The following SGCZ variants were observed in gnomAD, a reference collection of about 807,000 sequenced individuals.
SGCZ encodes sarcoglycan zeta.
Under a neutral mutation model 41.3 loss-of-function variants are expected in SGCZ, and 40 were observed. That is an observed-to-expected ratio of 0.97 (90% CI 0.75 to 1.26). SGCZ has a LOEUF of 1.26. Ranked by LOEUF, SGCZ falls within the 50% of genes most tolerant of loss-of-function variation. SGCZ has a pLI of 0.00. For missense variants in SGCZ, 552 were observed against 369.8 expected (o/e 1.49, Z -4.04); for synonymous variants, 206 against 137.5 (o/e 1.50, Z -3.49).
chr8:15,100,762 C>T (rs564534823), intron 1 of SGCZ, among the ~76,000 whole-genome samples: 2 of 152,238 alleles, frequency 1.3e-5, no homozygotes, highest in South Asian at 4.2e-4. Context: ...CACGGAGAAT[C>T]ACTTAACCCC....
At chr8:14,227,493 T>C (rs1294534170) in intron 4 of SGCZ, among the ~76,000 whole-genome samples, 1 of 152,064 alleles carries the variant, frequency 6.6e-6, no homozygotes. Context: ...GATCAAAACA[T>C]AGAGGGATCA....
At chr8:14,839,998 C>CT (rs1239763118) in intron 1 of SGCZ, among the ~76,000 whole-genome samples, 4 of 151,488 alleles carry the variant, frequency 2.6e-5, no homozygotes, top group African/African-American at 4.8e-5. Flanking sequence ...TATTTTGTGC[C>CT]TTTGTTTTTA....
chr8:14,679,194 T>C (rs971299600), intron 1 of SGCZ, among the ~76,000 whole-genome samples: 1 of 152,168 alleles, frequency 6.6e-6, no homozygotes, highest in African/African-American at 2.4e-5. Flanking sequence ...TACTTGATAA[T>C]GATAAAATGA....
At chr8:14,790,948 T>C (rs979826846) in intron 1 of SGCZ, among the ~76,000 whole-genome samples, 2 of 151,586 alleles carry the variant, frequency 1.3e-5, no homozygotes, top group Non-Finnish European at 2.9e-5. Flanking sequence ...GGAGGATCTC[T>C]TGAACACGGG....
chr8:14,116,381 T>A (rs1802523165), intron 5 of SGCZ, among the ~76,000 whole-genome samples: 1 of 152,092 alleles, frequency 6.6e-6, no homozygotes, highest in Admixed American at 6.6e-5. Flanking sequence ...CTTTAAAACA[T>A]CAAAGTTTTA....
intron 1 of SGCZ, among the ~76,000 whole-genome samples, chr8:14,772,473 G>T (rs916953708): frequency 6.7e-6 from 1 of 149,230 alleles, no homozygotes; most frequent in Non-Finnish European, 1.5e-5. Context: ...ACATGTGCAC[G>T]ATGTGCAGGT....
chr8:14,850,126 T>A (rs1434095987), intron 1 of SGCZ, among the ~76,000 whole-genome samples: 5 of 152,224 alleles, frequency 3.3e-5, no homozygotes, highest in African/African-American at 1.2e-4. Flanking sequence ...GCCTTCACAC[T>A]ATTAGATTCA....
intron 2 of SGCZ, among the ~76,000 whole-genome samples, chr8:14,440,125 T>A (rs920083377): frequency 1.3e-5 from 2 of 152,132 alleles, no homozygotes; most frequent in African/African-American, 2.4e-5. Context: ...TTTATTTTAC[T>A]CATGTCTCAT....
chr8:15,166,529 T>C (rs1799671705), intron 1 of SGCZ, among the ~76,000 whole-genome samples: 1 of 152,190 alleles, frequency 6.6e-6, no homozygotes, highest in Non-Finnish European at 1.5e-5. Context: ...ATTACAGGTG[T>C]GAGCCACCAC....
At chr8:15,001,007 G>A (rs1230745610) in intron 1 of SGCZ, among the ~76,000 whole-genome samples, 1 of 152,190 alleles carries the variant, frequency 6.6e-6, no homozygotes, top group Non-Finnish European at 1.5e-5. Context: ...AAAGGTGAGA[G>A]GAAAATGGAA....
At chr8:14,399,893 T>C (rs867042844) in intron 2 of SGCZ, among the ~76,000 whole-genome samples, 2 of 152,124 alleles carry the variant, frequency 1.3e-5, no homozygotes, top group African/African-American at 2.4e-5. Flanking sequence ...ATTTAATGTT[T>C]AGTATACTTC....
chr8:15,058,093 G>A lies in SGCZ; in HGVS notation c.39+179492C>T, dbSNP rs182240368. ...AGCAACTGTTAATTAATTTCACGAG[G>A]GTGGTCAAGTAGATGGAGCTATCAC... On this transcript the variant is annotated intron_variant, in intron 1 of 7. Transcript: ENST00000382080. Among the ~76,000 whole-genome samples the A allele has an allele frequency of 1.0e-3, 156 of 152,174 alleles. 3 individuals carry two copies. The highest frequency in any genetic ancestry group is 9.4e-3 in the Admixed American group (144 of 15,288).
chr8:14,117,054 G>T (rs1038770059), intron 5 of SGCZ, among the ~76,000 whole-genome samples: 1 of 151,950 alleles, frequency 6.6e-6, no homozygotes, highest in Non-Finnish European at 1.5e-5. Context: ...TGTTTTAAAG[G>T]TTGCCATAAT....
chr8:14,546,548 C>T (rs763365881), intron 2 of SGCZ, among the ~76,000 whole-genome samples: 66 of 152,170 alleles, frequency 4.3e-4, no homozygotes, highest in Non-Finnish European at 1.6e-4. Flanking sequence ...CTGCTAAACT[C>T]ATAAATGTAG....
chr8:14,164,533 A>C (rs752956683), intron 5 of SGCZ, 47 bp downstream of exon 5: 1 of 1,608,758 alleles, frequency 6.2e-7, no homozygotes, highest in South Asian at 1.1e-5. Flanking sequence ...GCAGTTGTAT[A>C]TTCTTTAAAG....
At chr8:14,530,222 T>A (rs10112934) in intron 2 of SGCZ, among the ~76,000 whole-genome samples, 89,785 of 151,080 alleles carry the variant, frequency 0.59, 27,197 homozygotes, top group East Asian at 0.78. Context: ...AAATTTTTTT[T>A]AAAAAAAATA....
At chr8:15,005,880 T>A (rs922089572) in intron 1 of SGCZ, among the ~76,000 whole-genome samples, 3 of 152,224 alleles carry the variant, frequency 2.0e-5, no homozygotes, top group Non-Finnish European at 4.4e-5. Context: ...TTCTTAGGAA[T>A]AATTGCTGTG....
chr8:14,600,254 C>T (rs28626237), intron 1 of SGCZ, among the ~76,000 whole-genome samples: 45,681 of 152,006 alleles, frequency 0.3, 8,238 homozygotes, highest in Non-Finnish European at 0.39. Flanking sequence ...GGCTCTACTC[C>T]CTTGAGTGCC....
intron 2 of SGCZ, among the ~76,000 whole-genome samples, chr8:14,385,851 C>A (rs1039248044): frequency 3.9e-5 from 6 of 152,122 alleles, no homozygotes; most frequent in African/African-American, 1.4e-4. Context: ...GTTCTAGGAT[C>A]CTCCAGAATA....
Sources: allele counts gnomAD v4.1 joint callset (sites outside exome capture counted in the v4.1 genomes callset), GRCh38; gene constraint gnomAD v4.1.1; transcripts MANE v1.5; gene names NCBI Gene and HGNC (gene_info 2026-07-23, HGNC 2026-07-21).